Variants in DLGAP2 observed in about 807,000 individuals in gnomAD.
The protein encoded by DLGAP2 is disks large-associated protein 2.
DLGAP2 carries 26 observed loss-of-function variants against 100.3 expected under a neutral mutation model. The observed-to-expected ratio is 0.26, with a 90% CI of 0.19 to 0.36. The LOEUF (loss-of-function observed/expected upper bound fraction) is 0.36. Among genes scored for constraint, DLGAP2 ranks in the 10% least tolerant of loss-of-function variants. The pLI is 1.00. For missense variants in DLGAP2, 1,858 were observed against 1,453.2 expected, an observed-to-expected ratio of 1.28 and a Z score of -4.53; for synonymous variants, 886 against 630.1, an observed-to-expected ratio of 1.41 and a Z score of -6.08.
rs75364263 is a variant in DLGAP2, at chr8:1,372,724, A to G, written c.106+113841A>G. Among the ~76,000 whole-genome samples the G allele has an allele frequency of 2.9e-3, 438 of 152,346 alleles. 1 individual carries two copies. Among genetic ancestry groups the G allele is most frequent in the African/African-American group, 9.9e-3 (413 of 41,584 alleles). ...GGCTAGAGGAAGATCAGAGAGAGAT[A>G]AAACTGTGATATATTTCCAGTGTTT... On this transcript the variant is annotated intron_variant, in intron 3 of 14. Coordinates refer to ENST00000637795, the MANE Select transcript of DLGAP2 (RefSeq NM_001346810.2).
At chr8:1,208,627 G>C (rs577893779) in intron 2 of DLGAP2, among the ~76,000 whole-genome samples, 9 of 152,110 alleles carry the variant, frequency 5.9e-5, no homozygotes, top group African/African-American at 2.2e-4. Flanking sequence ...GTCCTAGCCA[G>C]AGCAATCAGA....
At chr8:1,163,619 C>A (rs566943557) in intron 2 of DLGAP2, among the ~76,000 whole-genome samples, 1 of 152,222 alleles carries the variant, frequency 6.6e-6, no homozygotes, top group South Asian at 2.1e-4. Context: ...ACCCCGGAAG[C>A]GCAGGGCCCG....
intron 1 of DLGAP2, among the ~76,000 whole-genome samples, chr8:765,740 A>G (rs1280818918): frequency 2.0e-5 from 3 of 152,106 alleles, no homozygotes; most frequent in Non-Finnish European, 4.4e-5. Context: ...GCCGTCCTTG[A>G]TGTCTGTCTT....
rs777356765 is a variant in DLGAP2, at chr8:1,266,322, G to A, written c.106+7439G>A. 5.1e-4 allele frequency among the ~76,000 whole-genome samples: 77 copies of A among 152,326 alleles called. 1 individual carries two copies. Among genetic ancestry groups the A allele is most frequent in the Non-Finnish European group, 9.1e-4 (62 of 68,026 alleles). On this transcript the variant is annotated intron_variant, in intron 3 of 14. Transcript: ENST00000637795. ...CTTTTATTGGAAATATTTGCAGGACGCTTCTGGTTTCCAGATGAGCGCAGA... is the reference window on the plus strand; with the variant it reads ...CTTTTATTGGAAATATTTGCAGGACACTTCTGGTTTCCAGATGAGCGCAGA...
intron 2 of DLGAP2, among the ~76,000 whole-genome samples, chr8:941,775 C>T (rs1218618280): frequency 1.3e-5 from 2 of 152,182 alleles, no homozygotes; most frequent in African/African-American, 4.8e-5. Flanking sequence ...TAATATTTTA[C>T]ATCAGTGTAG....
rs937130874 is a variant in DLGAP2, at chr8:1,054,087, G to T, written c.73+146121G>T. On this transcript the variant is annotated intron_variant, in intron 2 of 14. Transcript: ENST00000637795. ...TTCATCATCATGAGTGCTGAAATGG[G>T]AGCCTCTGAGCCTGTGTGCGGCACC... 5.3e-5 allele frequency among the ~76,000 whole-genome samples: 8 copies of T among 152,062 alleles called. No homozygotes were observed. The South Asian group carries it at 1.7e-3, about 32-fold the overall frequency.
chr8:1,391,253 C>G (rs1320261081), intron 3 of DLGAP2, among the ~76,000 whole-genome samples: 1 of 152,170 alleles, frequency 6.6e-6, no homozygotes, highest in Non-Finnish European at 1.5e-5. Context: ...AGCTTCCAAA[C>G]TAGGCAATGG....
At chr8:1,349,552 C>T (rs1200110125) in intron 3 of DLGAP2, among the ~76,000 whole-genome samples, 1 of 147,200 alleles carries the variant, frequency 6.8e-6, no homozygotes, top group Non-Finnish European at 1.5e-5. Context: ...CCGCCCACAT[C>T]CACACACAGA....
chr8:1,268,079 A>G (rs1799504925), intron 3 of DLGAP2, among the ~76,000 whole-genome samples: 1 of 152,256 alleles, frequency 6.6e-6, no homozygotes, highest in African/African-American at 2.4e-5. Context: ...CCATTTATGC[A>G]GAATGATATA....
At chr8:1,636,639 T>C (rs1264530028) in intron 8 of DLGAP2, among the ~76,000 whole-genome samples, 1 of 152,250 alleles carries the variant, frequency 6.6e-6, no homozygotes, top group Non-Finnish European at 1.5e-5. Context: ...TTTTACTTAA[T>C]TTTATCTTGT....
chr8:743,673 C>T (rs1207927936), intron 1 of DLGAP2, among the ~76,000 whole-genome samples: 2 of 152,196 alleles, frequency 1.3e-5, no homozygotes, highest in Non-Finnish European at 2.9e-5. Context: ...AAGCGATCTT[C>T]CCACCTCAGC....
At chr8:1,655,995 C>G (rs905558582) in intron 8 of DLGAP2, among the ~76,000 whole-genome samples, 1 of 152,124 alleles carries the variant, frequency 6.6e-6, no homozygotes, top group Non-Finnish European at 1.5e-5. Flanking sequence ...GCAGAGGAAC[C>G]CAAGTGTAAT....
Position 958,395 on chromosome 8 carries a change from C to A in DLGAP2, c.73+50429C>A, listed in dbSNP as rs141296255. 9.4e-4 allele frequency among the ~76,000 whole-genome samples: 143 copies of A among 152,184 alleles called. 1 individual carries two copies. In the Middle Eastern group the frequency reaches 0.01, roughly 11 times the overall value. On this transcript the variant is annotated intron_variant, in intron 2 of 14. Transcript: ENST00000637795. The stretch of plus-strand genomic sequence containing the variant: ...GCGTGCAGGTCCCAGTCTTCCCCTC[C>A]GTTGCTCATCTCCCTCGGGAATGAC...
chr8:839,504 T>C (rs1796942589), intron 1 of DLGAP2, among the ~76,000 whole-genome samples: 1 of 152,212 alleles, frequency 6.6e-6, no homozygotes, highest in Admixed American at 6.5e-5. Context: ...TGCTCACTTA[T>C]ATGTGGAATC....
At chr8:1,564,446 G>A (rs903289261) in intron 5 of DLGAP2, among the ~76,000 whole-genome samples, 5 of 152,144 alleles carry the variant, frequency 3.3e-5, no homozygotes, top group African/African-American at 9.7e-5. Flanking sequence ...GGCCGTTATG[G>A]GTGATATATA....
rs549243856 is a variant in DLGAP2 at position 1,695,904 on chromosome 8, C to T, written c.2797-1243C>T. Reference sequence around the variant, plus strand: ...TCGGGCTCCCAGCCGCTGGCCAGGGCCGCCCTCCTGGGGAGCTCCTCAAGT... The same window carrying T: ...TCGGGCTCCCAGCCGCTGGCCAGGGTCGCCCTCCTGGGGAGCTCCTCAAGT... On this transcript the variant is annotated intron_variant, in intron 13 of 14. Coordinates refer to ENST00000637795, the MANE Select transcript of DLGAP2 (RefSeq NM_001346810.2). Among the ~76,000 whole-genome samples the T allele has an allele frequency of 2.2e-3, 340 of 152,346 alleles. 1 individual carries two copies. The highest frequency in any genetic ancestry group is 7.5e-3 in the African/African-American group (312 of 41,594).
intron 1 of DLGAP2, among the ~76,000 whole-genome samples, chr8:772,708 T>C (rs1024378102): frequency 3.3e-5 from 5 of 152,214 alleles, no homozygotes; most frequent in Non-Finnish European, 5.9e-5. Context: ...CCATCTCGAC[T>C]GGACAGGCAA....
chr8:1,270,376 T>C (rs1317820225), intron 3 of DLGAP2, among the ~76,000 whole-genome samples: 1 of 152,236 alleles, frequency 6.6e-6, no homozygotes, highest in African/African-American at 2.4e-5. Context: ...AATGTGACTT[T>C]TGATCGTCAC....
rs10583520 is a variant in DLGAP2, at chr8:1,683,856, ATGTGTGTGTGTGTGTGTG to A, written c.2704+5251_2704+5268del. 9.6e-5 allele frequency among the ~76,000 whole-genome samples: 6 copies of A among 62,228 alleles called. 1 individual carries two copies. The highest frequency in any genetic ancestry group is 2.5e-4 in the African/African-American group (3 of 11,890). The allele number at this position is 62,228 out of a possible 152,430, so 40.8% of individuals were successfully genotyped here. ...CCACTATATATATATATATATATAT[ATGTGTGTGTGTGTGTGTG>A]TGTGTGTGTGTGTGTGTGTGTGTAT... On this transcript the variant is annotated intron_variant, in intron 12 of 14. Coordinates refer to ENST00000637795, the MANE Select transcript of DLGAP2 (RefSeq NM_001346810.2).
Sources: allele counts gnomAD v4.1 joint callset (sites outside exome capture counted in the v4.1 genomes callset), GRCh38; gene constraint gnomAD v4.1.1; transcripts MANE v1.5; gene names NCBI Gene and HGNC (gene_info 2026-07-23, HGNC 2026-07-21).